SDK1: variants seen among roughly 807,000 people sequenced by gnomAD.
The protein encoded by SDK1 is protein sidekick-1.
A neutral mutation model predicts 245.5 loss-of-function variants in SDK1; 157 were observed. The ratio of observed to expected loss-of-function variants is 0.64; its 90% CI spans 0.56 to 0.73. The LOEUF (loss-of-function observed/expected upper bound fraction) is 0.73. SDK1 is among the 30% of genes least tolerant of loss of function. SDK1 has a pLI of 0.00. For synonymous variants in SDK1, 1,647 were observed against 1,278.5 expected, an observed-to-expected ratio of 1.29 and a Z score of -6.15; for missense variants, 3,583 against 3,002.3, an observed-to-expected ratio of 1.19 and a Z score of -4.52.
intron 2 of SDK1, among the ~76,000 whole-genome samples, chr7:3,619,535 A>G (rs1223457105): frequency 1.3e-5 from 2 of 152,266 alleles, no homozygotes; most frequent in Non-Finnish European, 2.9e-5. Context: ...TTGGTATGAT[A>G]CATTTACTTT....
Position 3,626,109 on chromosome 7 carries a change from A to AT in SDK1, c.458+6883dup, listed in dbSNP as rs933229829. Among the ~76,000 whole-genome samples, 733 of 138,392 alleles carry AT rather than the reference A, an allele frequency of 5.3e-3. 7 individuals carry two copies. Among genetic ancestry groups the AT allele is most frequent in the African/African-American group, 0.017 (612 of 36,416 alleles). 90.8% of individuals were successfully genotyped at this position (138,392 alleles called of 152,430 possible). ...CAAATGGGTGCCACCACAACTAGCT[A>AT]TTTTTTTTTTTTTAGACACAGGGTC... On this transcript the variant is annotated intron_variant, in intron 2 of 44. Transcript: ENST00000404826.
chr7:3,615,591 G>A (rs558469854), intron 1 of SDK1, among the ~76,000 whole-genome samples: 1 of 151,800 alleles, frequency 6.6e-6, no homozygotes, highest in South Asian at 2.1e-4. Flanking sequence ...TCTCAATGCT[G>A]ATTACAGAGG....
At position 3,967,416 on chromosome 7, in the gene SDK1, G is replaced by A. The variant is rs537568518; in HGVS notation, c.1528G>A (p.Ala510Thr). The change falls in exon 10 of 45, where the codon GCC becomes ACC. Residue 510 changes from alanine (A) to threonine (T), a missense_variant. Coordinates refer to ENST00000404826, the MANE Select transcript of SDK1 (RefSeq NM_152744.4). ...TGAGGTGTCCGGGGCTCCCAAACCC[G>A]CCATCACCTGGAAAAGAGGTGGGTA... ...RCEVSGAPKPAITWKRENHIL... is the reference protein window; with the variant it reads ...RCEVSGAPKPTITWKRENHIL... The A allele has an allele frequency of 3.5e-5, 56 of 1,612,494 alleles. No individual in the cohort carries two copies. The highest frequency in any genetic ancestry group is 2.7e-4 in the East Asian group (12 of 44,872).
In SDK1 at chr7:3,980,303, T is replaced by C. The variant is rs1783299470; in HGVS notation, c.1994+5758T>C. ...TCCCGTACTGTTGGGTTTCCGTTAC[T>C]GTTGTTGTTAATTTCTGATATTCCT... On this transcript the variant is annotated intron_variant, in intron 13 of 44. Transcript: ENST00000404826. Among the ~76,000 whole-genome samples, 3 of 152,240 alleles carry C rather than the reference T, an allele frequency of 2.0e-5. No individual in the cohort carries two copies. In the East Asian group the frequency reaches 5.8e-4, roughly 29 times the overall value.
chr7:3,453,284 C>T (rs971968183), intron 1 of SDK1, among the ~76,000 whole-genome samples: 3 of 152,188 alleles, frequency 2.0e-5, no homozygotes, highest in Admixed American at 1.3e-4. Context: ...ACATCACTGG[C>T]TTGTAAGGGA....
intron 1 of SDK1, among the ~76,000 whole-genome samples, chr7:3,607,355 T>C (rs1315971880): frequency 6.6e-6 from 1 of 152,128 alleles, no homozygotes; most frequent in Non-Finnish European, 1.5e-5. Flanking sequence ...CAACCACATA[T>C]GAAGTAATTT....
chr7:3,666,955 T>C (rs1783554778), intron 4 of SDK1, among the ~76,000 whole-genome samples: 1 of 152,096 alleles, frequency 6.6e-6, no homozygotes. Flanking sequence ...TTGAAGTGAG[T>C]TTTTTATTTA....
At position 4,017,307 on chromosome 7, in the gene SDK1, C is replaced by G; in HGVS notation, c.2557C>G (p.Leu853Val). The G allele has an allele frequency of 6.2e-7, 1 of 1,613,858 alleles. No homozygotes were observed. Among genetic ancestry groups the G allele is most frequent in the Non-Finnish European group, 8.5e-7 (1 of 1,179,870 alleles). The change falls in exon 17 of 45, where the codon CTG becomes GTG. Residue 853 changes from leucine to valine, a missense_variant. Coordinates refer to ENST00000404826, the MANE Select transcript of SDK1 (RefSeq NM_152744.4). ...IQVAAYNGAG[L>V]GVFSRAVTEY... ...GGTGGCGGCGTACAACGGGGCCGGT[C>G]TGGGCGTCTTCAGCAGGGCAGTGAC...
At chr7:3,423,751 A>T (rs1050683717) in intron 1 of SDK1, among the ~76,000 whole-genome samples, 3 of 152,194 alleles carry the variant, frequency 2.0e-5, no homozygotes, top group Non-Finnish European at 4.4e-5. Context: ...AAGATCAGAC[A>T]AATACCATAT....
At chr7:3,526,532 AT>A (rs1357985481) in intron 1 of SDK1, among the ~76,000 whole-genome samples, 1 of 152,016 alleles carries the variant, frequency 6.6e-6, no homozygotes. Flanking sequence ...GTGTCTCTGA[AT>A]TTTTTTCATT....
intron 1 of SDK1, among the ~76,000 whole-genome samples, chr7:3,563,095 G>C (rs190364634): frequency 1.1e-4 from 16 of 152,266 alleles, no homozygotes; most frequent in Non-Finnish European, 2.2e-4. Flanking sequence ...ACATACAGAT[G>C]GATCTGCTGG....
intron 1 of SDK1, among the ~76,000 whole-genome samples, chr7:3,392,804 T>C (rs1781791582): frequency 6.6e-6 from 1 of 152,134 alleles, no homozygotes; most frequent in Admixed American, 6.5e-5. Flanking sequence ...ATTCCTTTTT[T>C]GGCTGAATAA....
chr7:3,596,799 G>T (rs188587038), intron 1 of SDK1, among the ~76,000 whole-genome samples: 55 of 152,288 alleles, frequency 3.6e-4, no homozygotes, highest in African/African-American at 1.3e-3. Context: ...CCTAAGTTCA[G>T]AGTAACTCAT....
intron 1 of SDK1, among the ~76,000 whole-genome samples, chr7:3,478,623 G>A (rs1009752336): frequency 5.5e-4 from 83 of 152,038 alleles, no homozygotes; most frequent in African/African-American, 2.0e-3. Flanking sequence ...AATGTTGCTG[G>A]AGGTTTATTG....
intron 37 of SDK1, among the ~76,000 whole-genome samples, chr7:4,209,515 A>T (rs1407705108): frequency 6.6e-6 from 1 of 152,106 alleles, no homozygotes; most frequent in Non-Finnish European, 1.5e-5. Context: ...CCCGCTCCAG[A>T]CCCAGGGGGA....
At chr7:3,875,220 G>A (rs961089850) in intron 5 of SDK1, among the ~76,000 whole-genome samples, 2 of 150,852 alleles carry the variant, frequency 1.3e-5, no homozygotes, top group African/African-American at 4.9e-5. Context: ...TTTTTTCCCT[G>A]TACCCTTGGT....
intron 4 of SDK1, among the ~76,000 whole-genome samples, chr7:3,754,613 G>A (rs933942000): frequency 6.7e-6 from 1 of 150,326 alleles, no homozygotes; most frequent in Non-Finnish European, 1.5e-5. Context: ...ATCTCTTCCT[G>A]TCCCAGGGAA....
At chr7:4,040,332 C>G (rs561451077) in intron 17 of SDK1, among the ~76,000 whole-genome samples, 16 of 152,280 alleles carry the variant, frequency 1.1e-4, no homozygotes, top group African/African-American at 2.6e-4. Context: ...TGAGTGTGCT[C>G]AGAGTCTGTA....
At chr7:4,206,910 C>A (rs771314550) in intron 36 of SDK1, among the ~76,000 whole-genome samples, 3 of 152,186 alleles carry the variant, frequency 2.0e-5, no homozygotes, top group Non-Finnish European at 2.9e-5. Context: ...ATACCTTCCT[C>A]CATGGCAGGG....
Sources: gnomAD v4.1 joint callset for allele counts (sites outside exome capture counted in the v4.1 genomes callset) on GRCh38, gnomAD v4.1.1 for gene constraint, MANE v1.5 for transcripts, NCBI Gene and HGNC (gene_info 2026-07-23, HGNC 2026-07-21) for gene names.